PNLDC1: variants seen among roughly 807,000 people sequenced by gnomAD.
PNLDC1 encodes poly(A)-specific ribonuclease PNLDC1.
PNLDC1 carries 70 observed loss-of-function variants against 82.0 expected under a neutral mutation model. The ratio of observed to expected loss-of-function variants is 0.85; its 90% confidence interval spans 0.70 to 1.04. PNLDC1 has a LOEUF of 1.04. Ranked by LOEUF, PNLDC1 falls within the 50% of genes least tolerant of loss-of-function variation. PNLDC1 has a pLI of 0.00. For missense variants in PNLDC1, 631 were observed against 661.1 expected (o/e 0.95, Z 0.50); for synonymous variants, 280 against 249.3 (o/e 1.12, Z -1.16).
chr6:159,806,024 T>G lies in PNLDC1; in HGVS notation c.503T>G (p.Val168Gly), dbSNP rs1411087312. The G allele has an allele frequency of 1.1e-5, 17 of 1,614,156 alleles. No homozygotes were observed. The highest frequency in any genetic ancestry group is 1.4e-5 in the Non-Finnish European group (16 of 1,180,028). Reference sequence around the variant, plus strand: ...CAAATCAAGGTGGTGATTGACGAAGTGACGCGGTGGCTGGAGCTGGCCAAG... The same window carrying G: ...CAAATCAAGGTGGTGATTGACGAAGGGACGCGGTGGCTGGAGCTGGCCAAG... Reference protein sequence around the residue: ...KDQIKVVIDEVTRWLELAKEG... With the variant: ...KDQIKVVIDEGTRWLELAKEG... The change falls in exon 7 of 19, where the codon GTG becomes GGG. Residue 168 changes from valine to glycine, a missense_variant. Val to Gly is a moderately radical substitution (Grantham distance 109). Coordinates refer to ENST00000392167, the MANE Select transcript of PNLDC1 (RefSeq NM_001271862.2).
At chr6:159,805,223 G>A (rs564697963) in intron 6 of PNLDC1, among the ~76,000 whole-genome samples, 2 of 152,342 alleles carry the variant, frequency 1.3e-5, no homozygotes, top group Admixed American at 6.5e-5. Flanking sequence ...GGGGTCAGGA[G>A]TGACCACAGC....
chr6:159,814,330 C>T (rs1219508881), intron 12 of PNLDC1, among the ~76,000 whole-genome samples: 1 of 152,122 alleles, frequency 6.6e-6, no homozygotes, highest in Non-Finnish European at 1.5e-5. Flanking sequence ...GATTCGTGTT[C>T]TCTACCTGTC....
Position 159,804,039 on chromosome 6 carries a change from A to G in PNLDC1, c.323A>G (p.Gln108Arg). 6.2e-7 allele frequency: 1 copy of G among 1,614,092 alleles called. No individual in the cohort carries two copies. Among genetic ancestry groups the G allele is most frequent in the East Asian group, 2.2e-5 (1 of 44,882 alleles). ...FGILDSEFSF[Q>R]ASSVQFLNQY... ...ATTTTGGACTCAGAATTCTCCTTCCAGGCTTCCAGTGTTCAGTTTTTGAAT... is the reference window on the plus strand; with the variant it reads ...ATTTTGGACTCAGAATTCTCCTTCCGGGCTTCCAGTGTTCAGTTTTTGAAT... The change falls in exon 5 of 19, where the codon CAG becomes CGG. Residue 108 changes from glutamine (Q) to arginine (R), a missense_variant. Coordinates refer to ENST00000392167, the MANE Select transcript of PNLDC1 (RefSeq NM_001271862.2).
At position 159,809,031 on chromosome 6, in the gene PNLDC1, T is replaced by G; in HGVS notation, c.656T>G (p.Val219Gly). ...LKDEGVVVKK[V>G]SKQHRWYLQN... ...GCTTTTCAGGTGGTAGTGAAGAAAG[T>G]GAGTAAACAACATCGTTGGTATCTT... is the stretch of plus-strand genomic sequence containing the variant. The change falls in exon 9 of 19, where the codon GTG (valine) becomes GGG (glycine). Residue 219 changes from valine (V) to glycine (G), a missense_variant. Val to Gly is a moderately radical substitution (Grantham distance 109). Transcript: ENST00000392167. 1 of 1,612,800 alleles carries G rather than the reference T, an allele frequency of 6.2e-7. No homozygotes were observed. The highest frequency in any genetic ancestry group is 1.1e-5 in the South Asian group (1 of 90,758).
At chr6:159,800,174 G>A (rs1781179581), upstream of PNLDC1, 1 of 757,076 alleles carries the variant, frequency 1.3e-6, no homozygotes, top group Non-Finnish European at 2.1e-6. Context: ...CGGGGAAGCT[G>A]GGCACGTGGG....
intron 10 of PNLDC1, 66 bp downstream of exon 10, chr6:159,810,161 A>G (rs368289236): frequency 2.1e-6 from 3 of 1,423,556 alleles, no homozygotes; most frequent in East Asian, 2.3e-5. Flanking sequence ...GGATTGGTAC[A>G]CAATCATACC....
chr6:159,816,761 T>C (rs548931237), intron 14 of PNLDC1, among the ~76,000 whole-genome samples, 165 bp downstream of exon 14: 1 of 151,944 alleles, frequency 6.6e-6, no homozygotes, highest in East Asian at 1.9e-4. Flanking sequence ...GCTTCCCGAG[T>C]AGCTGGGACT....
chr6:159,800,504 AG>A lies in PNLDC1; in HGVS notation c.76+127del, dbSNP rs779464291. On this transcript the variant is annotated intron_variant, in intron 1 of 18. Transcript: ENST00000392167. ...CCTCAGAGAGGGCCTCGGGAAGGAC[AG>A]GGGGGCTTCCTTCTCCAGCCCCGGG... 6.2e-5 allele frequency: 82 copies of A among 1,317,864 alleles called. No homozygotes were observed. The East Asian group carries it at 1.0e-3, about 16-fold the overall frequency. The allele number at this position is 1,317,864 out of a possible 1,614,324, so 81.6% of individuals were successfully genotyped here.
rs998701847 is a variant in PNLDC1, at chr6:159,819,815, C to T, written c.1532+463C>T. ...CAGTCAGGAGGTGCCCGGAGTGTCA[C>T]GGGGAGAGGCCATTGTGAGCAAAAC... On this transcript the variant is annotated intron_variant, in intron 18 of 18. Transcript: ENST00000392167. The surrounding 1 kb of genome is among the most constrained non-coding windows in gnomAD (Gnocchi z 4.6). Among the ~76,000 whole-genome samples the T allele has an allele frequency of 3.3e-5, 5 of 151,842 alleles. No homozygotes were observed. Among genetic ancestry groups the T allele is most frequent in the African/African-American group, 4.8e-5 (2 of 41,296 alleles).
Position 159,806,109 on chromosome 6 carries a change from G to A in PNLDC1, c.562+26G>A, listed in dbSNP as rs116402999. The A allele has an allele frequency of 7.4e-5, 115 of 1,564,022 alleles. No homozygotes were observed. The African/African-American group carries it at 1.2e-3, about 16-fold the overall frequency. On this transcript the variant is annotated intron_variant, in intron 7 of 18. Coordinates refer to ENST00000392167, the MANE Select transcript of PNLDC1 (RefSeq NM_001271862.2). The stretch of plus-strand genomic sequence containing the variant: ...GTAGGCAGGGCCTGTTCCTCCCAAC[G>A]CAGGAGCATTGGGACAGGTCACTGT...
intron 12 of PNLDC1, among the ~76,000 whole-genome samples, chr6:159,814,988 G>T (rs571371644): frequency 6.6e-6 from 1 of 152,170 alleles, no homozygotes; most frequent in African/African-American, 2.4e-5. Context: ...GGGGACATTA[G>T]GGGTCAGGAG....
chr6:159,814,897 C>G (rs1275360211), intron 12 of PNLDC1, among the ~76,000 whole-genome samples: 5 of 152,168 alleles, frequency 3.3e-5, no homozygotes, highest in Non-Finnish European at 7.3e-5. Context: ...GTCTGTTGAA[C>G]CTTAGCTGCT....
At chr6:159,816,520 C>T (rs1176241714) in intron 13 of PNLDC1, 23 bp from the exon 14 acceptor site, 2 of 1,611,114 alleles carry the variant, frequency 1.2e-6, no homozygotes, top group South Asian at 1.1e-5. Flanking sequence ...AATTCTCTGT[C>T]CTCCTGGTGG....
chr6:159,818,236 A>G (rs876380), intron 15 of PNLDC1, among the ~76,000 whole-genome samples: 110,106 of 152,108 alleles, frequency 0.72, 40,317 homozygotes, highest in African/African-American at 0.81. Flanking sequence ...GGGGGACAGC[A>G]TGGGGCTTTC....
At chr6:159,814,957 G>A (rs528266805) in intron 12 of PNLDC1, among the ~76,000 whole-genome samples, 3 of 152,280 alleles carry the variant, frequency 2.0e-5, no homozygotes, top group Admixed American at 6.5e-5. Flanking sequence ...CACCCACGAC[G>A]ACGACGCCTG....
rs377728833 is a variant in PNLDC1 at position 159,800,341 on chromosome 6, C to T, written c.34C>T (p.Leu12Phe). 7 of 1,547,636 alleles carry T rather than the reference C, an allele frequency of 4.5e-6. No homozygotes were observed. The highest frequency in any genetic ancestry group is 2.7e-5 in the African/African-American group (2 of 73,080). ...GGGCGCCGACGAGTTCGAGGAGAGC[C>T]TCCCTCTGCTGCAGGAGCTCGTCCA... Reference protein sequence around the residue: ...DVGADEFEESLPLLQELVQEA... With the variant: ...DVGADEFEESFPLLQELVQEA... Residue 12 changes from leucine to phenylalanine, a missense_variant, in exon 1 of 19, where the codon CTC (leucine) becomes TTC (phenylalanine). Coordinates refer to ENST00000392167, the MANE Select transcript of PNLDC1 (RefSeq NM_001271862.2).
At chr6:159,815,031 G>C (rs1435534578) in intron 12 of PNLDC1, among the ~76,000 whole-genome samples, 1 of 152,158 alleles carries the variant, frequency 6.6e-6, no homozygotes, top group Non-Finnish European at 1.5e-5. Context: ...ACATCTTATT[G>C]AAAACCAGTG....
intron 11 of PNLDC1, 22 bp downstream of exon 11, chr6:159,811,808 G>T: frequency 6.5e-7 from 1 of 1,545,166 alleles, no homozygotes; most frequent in Non-Finnish European, 8.9e-7. Flanking sequence ...AACTGCTTTG[G>T]GTTAAGAACT....
Position 159,817,147 on chromosome 6 carries a change from T to C in PNLDC1, c.1153T>C (p.Tyr385His), listed in dbSNP as rs574563488. The change falls in exon 15 of 19, where the codon TAC (tyrosine) becomes CAC (histidine). Residue 385 changes from tyrosine to histidine, a missense_variant. Physicochemically the swap from Tyr to His is moderately conservative, Grantham distance 83. Coordinates refer to ENST00000392167, the MANE Select transcript of PNLDC1 (RefSeq NM_001271862.2). ...KVAHLLLQKI[Y>H]HIDPVPESSF... ...GGCACACTTGCTTCTACAGAAGATA[T>C]ACCAGTAAGTGTTCTTTCTTTTCAT... 90 of 1,611,664 alleles carry C rather than the reference T, an allele frequency of 5.6e-5. 1 individual carries two copies. In the South Asian group the frequency reaches 7.4e-4, roughly 13 times the overall value.
Sources: gnomAD v4.1 joint callset for allele counts (sites outside exome capture counted in the v4.1 genomes callset) on GRCh38, gnomAD v4.1.1 for gene constraint, Gnocchi (gnomAD v3.1) non-coding constraint, MANE v1.5 for transcripts, NCBI Gene and HGNC (gene_info 2026-07-23, HGNC 2026-07-21) for gene names.